The following ADGRB2 variants were observed in gnomAD, a reference collection of about 807,000 sequenced individuals.
ADGRB2 encodes the protein adhesion G protein-coupled receptor B2, also known as brain-specific angiogenesis inhibitor 2.
ADGRB2 carries 47 observed loss-of-function variants against 178.7 expected under a neutral mutation model. The observed-to-expected ratio is 0.26, with a 90% CI of 0.21 to 0.34. The LOEUF is 0.34. Among genes scored for constraint, ADGRB2 ranks in the 10% least tolerant of loss-of-function variants. The probability of loss-of-function intolerance (pLI) is 1.00; values close to 1 mark genes in which losing one functional copy is unlikely to be tolerated. For missense variants in ADGRB2, 1,584 were observed against 2,180.8 expected, an observed-to-expected ratio of 0.73 and a Z score of 5.45; for synonymous variants, 870 against 912.4, an observed-to-expected ratio of 0.95 and a Z score of 0.84.
At position 31,758,332 on chromosome 1, in the gene ADGRB2, C is replaced by G. The variant is rs534165338; in HGVS notation, c.-190-821G>C. On this transcript the variant is annotated intron_variant, in intron 1 of 32. Coordinates refer to ENST00000373658, the MANE Select transcript of ADGRB2 (RefSeq NM_001364857.2). The surrounding 1 kb of genome is among the most constrained non-coding windows in gnomAD (Gnocchi z 4.2). The stretch of plus-strand genomic sequence containing the variant: ...CCCAGCCCAGGCCTGTCTCCCTCCA[C>G]CAGTAGCCTCTGCTCCTTCCCTAGG... Among the ~76,000 whole-genome samples the G allele has an allele frequency of 6.6e-6, 1 of 152,232 alleles. No homozygotes were observed. The highest frequency in any genetic ancestry group is 1.5e-5 in the Non-Finnish European group (1 of 68,040).
intron 4 of ADGRB2, among the ~76,000 whole-genome samples, chr1:31,746,905 T>TGTTTCCCTCCTCC (rs1646305863): frequency 1.3e-5 from 2 of 152,234 alleles, no homozygotes; most frequent in Non-Finnish European, 2.9e-5. Context: ...GGCCCTCCTC[T>TGTTTCCCTCCTCC]GACCCTCTGT....
At chr1:31,749,237 C>A (rs1646435012) in intron 4 of ADGRB2, among the ~76,000 whole-genome samples, 1 of 152,168 alleles carries the variant, frequency 6.6e-6, no homozygotes, top group Admixed American at 6.5e-5. Flanking sequence ...GGGATCCCAG[C>A]CCCAACCACA....
chr1:31,733,040 G>A lies in ADGRB2; in HGVS notation c.3556C>T (p.Leu1186Phe). Reference protein sequence around the residue: ...TDRRSVLFQALFAVFNSAQGF... With the variant: ...TDRRSVLFQAFFAVFNSAQGF... ...TGCGCGGAGTTGAAGACAGCAAAGA[G>A]GGCCTGGAAGAGGACGGAACGGCGG... The change falls in exon 26 of 33, where the codon CTC becomes TTC. Residue 1186 changes from leucine to phenylalanine, a missense_variant. By Grantham distance (22) the Leu-to-Phe change is conservative. Around this residue, in one of 3 missense-constraint regions of ADGRB2, gnomAD observed 865 missense variants for 1,192.8 expected, o/e 0.73. Coordinates refer to ENST00000373658, the MANE Select transcript of ADGRB2 (RefSeq NM_001364857.2). This position sits in a 1 kb window ranked among gnomAD's most constrained non-coding sequence, Gnocchi z 4.3. 6.3e-7 allele frequency: 1 copy of A among 1,576,522 alleles called. No homozygotes were observed.
At position 31,753,608 on chromosome 1, in the gene ADGRB2, C is replaced by T. The variant is rs925649900; in HGVS notation, c.838+2391G>A. On this transcript the variant is annotated intron_variant, in intron 4 of 32. Transcript: ENST00000373658. This position sits in a 1 kb window ranked among gnomAD's most constrained non-coding sequence, Gnocchi z 4.1. ...CACTACCATCCCCACGAATCTTGCT[C>T]TCAGTCTGGCAGCTGCAGGTGCCAG... Among the ~76,000 whole-genome samples the T allele has an allele frequency of 2.6e-5, 4 of 152,224 alleles. No homozygotes were observed. Among genetic ancestry groups the T allele is most frequent in the African/African-American group, 9.6e-5 (4 of 41,456 alleles).
Position 31,730,848 on chromosome 1 carries a change from G to T in ADGRB2, c.4332C>A (p.Thr1444=), listed in dbSNP as rs1645244238. Residue 1444 remains threonine (T), a synonymous_variant, in exon 29 of 33, where the codon ACC becomes ACA. Coordinates refer to ENST00000373658, the MANE Select transcript of ADGRB2 (RefSeq NM_001364857.2). ...QVPEPGERSR[T]MPRTVPGSTM... ...TAGAGCCGGGCACGGTGCGAGGCAT[G>T]GTCCGGCTGCGCTCCCCTGGCTCGG... The T allele has an allele frequency of 6.5e-7, 1 of 1,531,998 alleles. No homozygotes were observed. The highest frequency in any genetic ancestry group is 2.1e-5 in the Admixed American group (1 of 46,534). The allele number at this position is 1,531,998 out of a possible 1,614,324, so 94.9% of individuals were successfully genotyped here. A position where few individuals can be genotyped will look rare whatever the true frequency, so the allele number is the denominator to read the frequency against.
rs367578737 is a variant in ADGRB2 at position 31,735,642 on chromosome 1, G to T, written c.3291C>A (p.Ile1097=). The T allele has an allele frequency of 1.2e-6, 2 of 1,604,200 alleles. No homozygotes were observed. The highest frequency in any genetic ancestry group is 1.1e-5 in the South Asian group (1 of 90,062). Residue 1097 remains isoleucine, a synonymous_variant, in exon 24 of 33, where the codon ATC becomes ATA. Transcript: ENST00000373658. The surrounding 1 kb of genome is among the most constrained non-coding windows in gnomAD (Gnocchi z 6.0). ...CACGTGCCATGAGCTTGTTGAAGAC[G>T]ATGATTCCGATGAGCATGTTCACCT... ...IVLVNMLIGI[I]VFNKLMARDG...
In ADGRB2 at chr1:31,737,647, C is replaced by T. The variant is rs779113944; in HGVS notation, c.2876+5G>A. On this transcript the variant is annotated splice_donor_5th_base_variant and intron_variant, in intron 19 of 32. Coordinates refer to ENST00000373658, the MANE Select transcript of ADGRB2 (RefSeq NM_001364857.2). The stretch of plus-strand genomic sequence containing the variant: ...CCAGCCACAAGAGCCAGGTGTCAGA[C>T]CTACCTCCAAAAGGCGGCATAGATG... The T allele has an allele frequency of 3.7e-6, 6 of 1,613,690 alleles. No individual in the cohort carries two copies. The highest frequency in any genetic ancestry group is 5.1e-6 in the Non-Finnish European group (6 of 1,179,746).
chr1:31,736,457 T>A, intron 21 of ADGRB2, 67 bp from the exon 22 acceptor site: 1 of 1,606,254 alleles, frequency 6.2e-7, no homozygotes, highest in Non-Finnish European at 8.5e-7. Context: ...TCTCCCAGAC[T>A]CCCATCCCAG....
Position 31,737,742 on chromosome 1 carries a change from G to A in ADGRB2, c.2786C>T (p.Ala929Val), listed in dbSNP as rs1044701143. ...CACCAGGGGGACCGAGGGGGAGCCC[G>A]CCAGCTCCAGGGTCTGGGGAAGATG... ...QPPKDLTLEL[A>V]GSPSVPLVIG... is the part of the protein sequence containing the mutation. Residue 929 changes from alanine to valine, a missense_variant, in exon 19 of 33, where the codon GCG becomes GTG. Coordinates refer to ENST00000373658, the MANE Select transcript of ADGRB2 (RefSeq NM_001364857.2). 67 of 1,613,408 alleles carry A rather than the reference G, an allele frequency of 4.2e-5. No homozygotes were observed. The highest frequency in any genetic ancestry group is 5.3e-5 in the Non-Finnish European group (62 of 1,179,992).
rs1647049192 is a variant in ADGRB2, at chr1:31,761,826, A to T, written c.-191+2058T>A. Among the ~76,000 whole-genome samples, 1 of 152,142 alleles carries T rather than the reference A, an allele frequency of 6.6e-6. No homozygotes were observed. The highest frequency in any genetic ancestry group is 2.4e-5 in the African/African-American group (1 of 41,420). ...GGGGCCTGACCTTGGCCTTGAACAG[A>T]AACAGCCCCACACCCCTATCAATAT... On this transcript the variant is annotated intron_variant, in intron 1 of 32. Coordinates refer to ENST00000373658, the MANE Select transcript of ADGRB2 (RefSeq NM_001364857.2). This position sits in a 1 kb window ranked among gnomAD's most constrained non-coding sequence, Gnocchi z 4.2.
chr1:31,732,420 C>A (rs750644406), intron 27 of ADGRB2, 97 bp downstream of exon 27: 122 of 1,434,432 alleles, frequency 8.5e-5, no homozygotes, highest in Non-Finnish European at 1.1e-4. Context: ...CTGTCCCAAC[C>A]CTGCCATGGA....
At chr1:31,747,474 C>A (rs1295872800) in intron 4 of ADGRB2, among the ~76,000 whole-genome samples, 1 of 152,112 alleles carries the variant, frequency 6.6e-6, no homozygotes, top group Non-Finnish European at 1.5e-5. Context: ...TTTCCCCACC[C>A]TCTTTGCCTA....
chr1:31,762,301 AT>A (rs1647063574), intron 1 of ADGRB2, among the ~76,000 whole-genome samples: 1 of 152,116 alleles, frequency 6.6e-6, no homozygotes, highest in Non-Finnish European at 1.5e-5. Context: ...ACCAGGACAT[AT>A]CCTGCGCAGA....
In ADGRB2 at chr1:31,741,736, AG is replaced by A; in HGVS notation, c.1586-12del. On this transcript the variant is annotated splice_polypyrimidine_tract_variant and intron_variant, in intron 9 of 32. Transcript: ENST00000373658. This position sits in a 1 kb window ranked among gnomAD's most constrained non-coding sequence, Gnocchi z 6.5. ...ACATCTCATGGAAGGCTGTGGGTGC[AG>A]GGGTAAGGTTCAGCTGGGTCCACAC... The A allele has an allele frequency of 1.2e-6, 2 of 1,610,960 alleles. No homozygotes were observed. The highest frequency in any genetic ancestry group is 1.7e-6 in the Non-Finnish European group (2 of 1,177,742).
chr1:31,732,089 T>A (rs777707673), intron 28 of ADGRB2, 26 bp downstream of exon 28: 2 of 1,613,678 alleles, frequency 1.2e-6, no homozygotes, highest in East Asian at 4.5e-5. Flanking sequence ...CCAGGACCAT[T>A]CTCAGTTCTG....
In ADGRB2 at chr1:31,753,125, G is replaced by A. The variant is rs186429684; in HGVS notation, c.838+2874C>T. ...TGGGCAGGAACTGCAGGCTGGCACT[G>A]GCCATCAGGAGCTGAGCCCTGCAGC... is the stretch of plus-strand genomic sequence containing the variant. On this transcript the variant is annotated intron_variant, in intron 4 of 32. Transcript: ENST00000373658. The surrounding 1 kb of genome is among the most constrained non-coding windows in gnomAD (Gnocchi z 4.1). 1.7e-4 allele frequency among the ~76,000 whole-genome samples: 26 copies of A among 152,244 alleles called. 1 individual carries two copies. The East Asian group carries it at 5.0e-3, about 29-fold the overall frequency.
chr1:31,751,374 G>A (rs1399872378), intron 4 of ADGRB2, among the ~76,000 whole-genome samples: 1 of 152,206 alleles, frequency 6.6e-6, no homozygotes, highest in Non-Finnish European at 1.5e-5. Context: ...AGTCTGGTTT[G>A]TGCCTGTTGT....
rs1645559578 is a variant in ADGRB2 at position 31,735,587 on chromosome 1, T to TCTG, written c.3343_3345dup (p.Gln1115dup). On this transcript the variant is annotated inframe_insertion, in exon 24 of 33. Transcript: ENST00000373658. The surrounding 1 kb of genome is among the most constrained non-coding windows in gnomAD (Gnocchi z 6.0). ...CAGAGGCCCCCCCCTTACCCGGCCC[T>TCTG]CTGCTTCTTGGATTTGTCGGAGATG... 1 of 1,613,598 alleles carries TCTG rather than the reference T, an allele frequency of 6.2e-7. No homozygotes were observed. The highest frequency in any genetic ancestry group is 8.5e-7 in the Non-Finnish European group (1 of 1,179,804).
rs1227911624 is a variant in ADGRB2, at chr1:31,728,792, A to G, written c.4381-159T>C. ...GCGGACCTTCATGGGGCAGCTTTTCAGGCCTCACTGAACACACACACACAC... is the reference window on the plus strand; with the variant it reads ...GCGGACCTTCATGGGGCAGCTTTTCGGGCCTCACTGAACACACACACACAC... On this transcript the variant is annotated intron_variant, in intron 29 of 32. Transcript: ENST00000373658. This position sits in a 1 kb window ranked among gnomAD's most constrained non-coding sequence, Gnocchi z 6.7. Among the ~76,000 whole-genome samples the G allele has an allele frequency of 7.0e-6, 1 of 142,200 alleles. No individual in the cohort carries two copies. Among genetic ancestry groups the G allele is most frequent in the East Asian group, 2.1e-4 (1 of 4,770 alleles). The allele number at this position is 142,200 out of a possible 152,430, so 93.3% of individuals were successfully genotyped here.
Sources: gnomAD v4.1 joint callset for allele counts (sites outside exome capture counted in the v4.1 genomes callset) on GRCh38, gnomAD v4.1.1 for gene constraint, gnomAD v4.1.1 regional missense constraint, Gnocchi (gnomAD v3.1) non-coding constraint, MANE v1.5 for transcripts, NCBI Gene and HGNC (gene_info 2026-07-23, HGNC 2026-07-21) for gene names.